The following ANKRD30B variants were observed in gnomAD, a reference collection of about 807,000 sequenced individuals.
The protein encoded by ANKRD30B is ankyrin repeat domain-containing protein 30B.
A neutral mutation model predicts 202.2 loss-of-function variants in ANKRD30B; 144 were observed. That is an observed-to-expected ratio of 0.71 (90% CI 0.62 to 0.82). ANKRD30B has a LOEUF of 0.82. Among genes scored for constraint, ANKRD30B ranks in the 40% least tolerant of loss-of-function variants. The pLI is 0.00. For missense variants in ANKRD30B, 1,487 were observed against 1,669.1 expected (o/e 0.89, Z 1.90); for synonymous variants, 508 against 561.3 (o/e 0.91, Z 1.34).
chr18:14,876,842 C>T, the ANKRD30B span, among the ~76,000 whole-genome samples: 13 of 152,146 alleles, frequency 8.5e-5, no homozygotes, highest in African/African-American at 3.1e-4. Context: ...TGAATACGAG[C>T]TTTGTTTAGC....
At chr18:14,796,296 G>C (rs951515484) in intron 17 of ANKRD30B, 47 bp downstream of exon 17, 7 of 1,609,630 alleles carry the variant, frequency 4.3e-6, no homozygotes, top group Non-Finnish European at 5.9e-6. Flanking sequence ...ACATATTTTA[G>C]GAAGCATATA....
At chr18:14,880,097 G>T in the ANKRD30B span, among the ~76,000 whole-genome samples, 1 of 151,982 alleles carries the variant, frequency 6.6e-6, no homozygotes, top group Non-Finnish European at 1.5e-5. Context: ...TCCCCTACAT[G>T]TGGCTCGCCA....
intron 7 of ANKRD30B, among the ~76,000 whole-genome samples, chr18:14,765,474 A>G (rs982873356): frequency 6.1e-5 from 9 of 147,370 alleles, no homozygotes; most frequent in African/African-American, 2.3e-4. Context: ...AAAAAAAAAA[A>G]GAAAAAGAAA....
intron 42 of ANKRD30B, 90 bp downstream of exon 42, chr18:14,852,510 A>G: frequency 1.4e-6 from 2 of 1,391,700 alleles, no homozygotes; most frequent in Non-Finnish European, 1.9e-6. Context: ...ATATATATAT[A>G]TAAATAGATG....
chr18:14,831,193 A>AAAAAAAAAAAAAC (rs1970916672), intron 33 of ANKRD30B, among the ~76,000 whole-genome samples, 190 bp from the exon 34 acceptor site: 1 of 150,906 alleles, frequency 6.6e-6, no homozygotes, highest in Non-Finnish European at 1.5e-5. Flanking sequence ...AAAAAAAAAA[A>AAAAAAAAAAAAAC]AAAAAAACGA....
At chr18:14,864,846 C>T in the ANKRD30B span, among the ~76,000 whole-genome samples, 1 of 151,614 alleles carries the variant, frequency 6.6e-6, no homozygotes, top group Non-Finnish European at 1.5e-5. Context: ...CTACCAAAAA[C>T]ATTTTCCCGC....
At chr18:14,918,302 C>T in the ANKRD30B span, among the ~76,000 whole-genome samples, 1 of 152,168 alleles carries the variant, frequency 6.6e-6, no homozygotes, top group South Asian at 2.1e-4. Context: ...AGGGTTGCTG[C>T]ACCCCTTGGA....
the ANKRD30B span, among the ~76,000 whole-genome samples, chr18:14,892,521 T>G: frequency 2.0e-5 from 3 of 151,950 alleles, no homozygotes; most frequent in Non-Finnish European, 4.4e-5. Context: ...GGCAGATCAC[T>G]TGAGGTCAGG....
the ANKRD30B span, among the ~76,000 whole-genome samples, chr18:14,918,711 G>A: frequency 1.4e-3 from 220 of 152,286 alleles, no homozygotes; most frequent in African/African-American, 5.1e-3. Flanking sequence ...ATGCAGTGAA[G>A]ACTATGGTCT....
chr18:14,876,294 G>T, the ANKRD30B span, among the ~76,000 whole-genome samples: 1 of 152,148 alleles, frequency 6.6e-6, no homozygotes, highest in African/African-American at 2.4e-5. Flanking sequence ...TCCTGCAAGG[G>T]CAAAACTTGA....
chr18:14,856,491 A>T (rs1351986649), downstream of ANKRD30B, among the ~76,000 whole-genome samples: 1 of 142,670 alleles, frequency 7.0e-6, no homozygotes, highest in Non-Finnish European at 1.6e-5. Context: ...CACCTCCCAG[A>T]CAATGGGCGG....
chr18:14,879,293 G>A, the ANKRD30B span, among the ~76,000 whole-genome samples: 1 of 151,220 alleles, frequency 6.6e-6, no homozygotes, highest in Admixed American at 6.6e-5. Flanking sequence ...CCCCAGCCAA[G>A]GCGAGGCGGC....
At chr18:14,856,517 C>T (rs1254209187), downstream of ANKRD30B, among the ~76,000 whole-genome samples, 1 of 139,618 alleles carries the variant, frequency 7.2e-6, no homozygotes, top group Non-Finnish European at 1.6e-5. Context: ...GAGAGGTGCT[C>T]CTCACCTCCC....
chr18:14,902,114 A>C, the ANKRD30B span, among the ~76,000 whole-genome samples: 1 of 152,182 alleles, frequency 6.6e-6, no homozygotes, highest in Non-Finnish European at 1.5e-5. Flanking sequence ...AGACTTATTC[A>C]CTACCACGAG....
At chr18:14,901,261 A>C in the ANKRD30B span, among the ~76,000 whole-genome samples, 1 of 152,242 alleles carries the variant, frequency 6.6e-6, no homozygotes, top group African/African-American at 2.4e-5. Context: ...ATAGTTGGCT[A>C]CAGCCAAAAA....
intron 14 of ANKRD30B, among the ~76,000 whole-genome samples, chr18:14,784,843 T>TC (rs71176076): frequency 1 from 151,596 of 152,344 alleles, 75,429 homozygotes; most frequent in East Asian, 1. Context: ...AAACTCTAAC[T>TC]TTTTTAGTTC....
At chr18:14,893,679 G>C in the ANKRD30B span, among the ~76,000 whole-genome samples, 3 of 151,616 alleles carry the variant, frequency 2.0e-5, no homozygotes, top group Non-Finnish European at 4.4e-5. Context: ...AAGTTGCTCA[G>C]AAAGCATAAT....
chr18:14,894,757 ATGTT>A, the ANKRD30B span, among the ~76,000 whole-genome samples: 7 of 151,672 alleles, frequency 4.6e-5, no homozygotes, highest in African/African-American at 1.7e-4. Context: ...TATTTATATT[ATGTT>A]TAAGGCTATA....
chr18:14,850,150 A>G, intron 40 of ANKRD30B, 64 bp from the exon 41 acceptor site: 3 of 1,087,534 alleles, frequency 2.8e-6, no homozygotes, highest in East Asian at 5.4e-5. Flanking sequence ...AGGAAGAAGT[A>G]GATCTCAAAG....
Sources: allele counts gnomAD v4.1 joint callset (sites outside exome capture counted in the v4.1 genomes callset), GRCh38; gene constraint gnomAD v4.1.1; transcripts MANE v1.5; gene names NCBI Gene and HGNC (gene_info 2026-07-23, HGNC 2026-07-21).